WDR44: variants seen among roughly 807,000 people sequenced by gnomAD.
WDR44 encodes the protein WD repeat domain 44.
WDR44 carries 9 observed loss-of-function variants against 65.7 expected under a neutral mutation model. The ratio of observed to expected loss-of-function variants is 0.14; its 90% CI spans 0.08 to 0.24. The LOEUF is 0.24. Ranked by LOEUF, WDR44 falls within the 10% of genes least tolerant of loss-of-function variation. The pLI, the probability that WDR44 is intolerant of heterozygous loss-of-function variation, is 1.00. For synonymous variants in WDR44, 220 were observed against 235.2 expected (o/e 0.94, Z 0.59); for missense variants, 425 against 670.9 (o/e 0.63, Z 4.05).
At chrX:118,360,626 A>G (rs967583126) in intron 1 of WDR44, among the ~76,000 whole-genome samples, 3 of 112,049 alleles carry the variant, frequency 2.7e-5, no homozygotes, top group Non-Finnish European at 3.8e-5. Flanking sequence ...TGACTGGCTA[A>G]GTCCTTATCT....
At chrX:118,391,845 G>A (rs781252544) in intron 3 of WDR44, among the ~76,000 whole-genome samples, 4 of 111,163 alleles carry the variant, frequency 3.6e-5, no homozygotes, top group East Asian at 2.8e-4. Context: ...TTATCCCGGC[G>A]TGGAGCACCT....
Position 118,426,266 on chromosome X carries a change from TAAAC to T in WDR44, c.1738-6511_1738-6508del, listed in dbSNP as rs1024067262. ...CTTGCTTTCAATGCTGCAGCAAAAA[TAAAC>T]AAAAATGGGAAGACTGATAAAGTAG... On this transcript the variant is annotated intron_variant, in intron 12 of 19. Transcript: ENST00000254029. Among the ~76,000 whole-genome samples the T allele has an allele frequency of 1.5e-4, 17 of 111,360 alleles. No individual in the cohort carries two copies. In the East Asian group the frequency reaches 2.0e-3, roughly 13 times the overall value.
At chrX:118,447,759 G>A (rs2057357641) in intron 19 of WDR44, among the ~76,000 whole-genome samples, 2 of 106,994 alleles carry the variant, frequency 1.9e-5, no homozygotes, top group South Asian at 8.3e-4. Flanking sequence ...AGTGGCGCAT[G>A]CCTGTAGGGA....
At chrX:118,424,323 G>GTGTGTATATATATATATATATACA (rs1289349202) in intron 12 of WDR44, among the ~76,000 whole-genome samples, 4 of 65,566 alleles carry the variant, frequency 6.1e-5, no homozygotes, top group Admixed American at 5.4e-4. Context: ...GTGTGTGTGT[G>GTGTGTATATATATATATATATACA]TATATATATA....
At chrX:118,408,495 T>C (rs1262788796) in intron 10 of WDR44, among the ~76,000 whole-genome samples, 1 of 110,052 alleles carries the variant, frequency 9.1e-6, no homozygotes, top group Non-Finnish European at 1.9e-5. Context: ...CCTCCTGGGC[T>C]CAAGCAGTCC....
chrX:118,427,596 C>T (rs2057168836), intron 12 of WDR44, among the ~76,000 whole-genome samples: 1 of 108,021 alleles, frequency 9.3e-6, no homozygotes, highest in African/African-American at 3.4e-5. Flanking sequence ...GTAACTAACT[C>T]ATTAGTTCAT....
intron 14 of WDR44, among the ~76,000 whole-genome samples, chrX:118,440,624 A>C (rs1003167892): frequency 1.2e-4 from 13 of 111,025 alleles, no homozygotes; most frequent in Non-Finnish European, 2.3e-4. Flanking sequence ...ACGCCCCCCC[A>C]AAAAAAGTCT....
chrX:118,369,784 A>G, intron 1 of WDR44, among the ~76,000 whole-genome samples: 1 of 112,220 alleles, frequency 8.9e-6, no homozygotes, highest in Non-Finnish European at 1.9e-5. Context: ...ACTTTCTAAT[A>G]GAAAACAGGA....
chrX:118,391,209 G>T (rs111244429), intron 3 of WDR44, among the ~76,000 whole-genome samples: 1 of 111,632 alleles, frequency 9.0e-6, no homozygotes, highest in Admixed American at 9.6e-5. Flanking sequence ...AACTCAGACC[G>T]TGCTAATGTC....
Position 118,432,819 on chromosome X carries a change from C to T in WDR44, c.1776C>T (p.Asn592=), listed in dbSNP as rs10521584. ...CTGATGAAGACCCTGATGATAAAAA[C>T]GCACCCTTTCGGCAACGGCCATTTT... ...SGTDEDPDDK[N]APFRQRPFCK... Residue 592 remains asparagine, a synonymous_variant, in exon 13 of 20, where the codon AAC becomes AAT. Coordinates refer to ENST00000254029, the MANE Select transcript of WDR44 (RefSeq NM_019045.5). 0.13 allele frequency: 158,270 copies of T among 1,208,610 alleles called. 8,178 individuals carry two copies. Among genetic ancestry groups the T allele is most frequent in the Admixed American group, 0.35 (15,820 of 45,682 alleles).
rs1362477570 is a variant in WDR44, at chrX:118,378,708, A to ATGTGTGTGTG, written c.111+256_111+257insTGTGTGTGTG. 1.1e-4 allele frequency among the ~76,000 whole-genome samples: 7 copies of ATGTGTGTGTG among 61,266 alleles called. No individual in the cohort carries two copies. In the African/African-American group the frequency reaches 1.5e-3, roughly 13 times the overall value. 53.2% of individuals were successfully genotyped at this position (61,266 alleles called of 115,157 possible). On this transcript the variant is annotated intron_variant, in intron 2 of 19. Transcript: ENST00000254029. ...TGTTTATAATATCTAGAATAAAAGAACGTGTGTGTGTGTGTGTGTGTGTGT... is the reference window on the plus strand; with the variant it reads ...TGTTTATAATATCTAGAATAAAAGAATGTGTGTGTGCGTGTGTGTGTGTGTGTGTGTGTGT...
chrX:118,402,534 G>A, intron 8 of WDR44, among the ~76,000 whole-genome samples: 1 of 108,069 alleles, frequency 9.3e-6, no homozygotes, highest in Non-Finnish European at 1.9e-5. Flanking sequence ...GATCACTTGA[G>A]TCCAGGAGTT....
chrX:118,379,714 A>G (rs1569363230), intron 2 of WDR44, among the ~76,000 whole-genome samples: 1 of 111,836 alleles, frequency 8.9e-6, no homozygotes, highest in Non-Finnish European at 1.9e-5. Context: ...AAAACTGATA[A>G]TAATGTTCTT....
chrX:118,347,210 C>T lies in WDR44; in HGVS notation c.77+630C>T, dbSNP rs1016507003. ...GGTAAAGGAAATCGAATACACGGTC[C>T]CTATTAGGCAGAATGCGGTCTAAAA... On this transcript the variant is annotated intron_variant, in intron 1 of 19. Coordinates refer to ENST00000254029, the MANE Select transcript of WDR44 (RefSeq NM_019045.5). Among the ~76,000 whole-genome samples, 5 of 111,696 alleles carry T rather than the reference C, an allele frequency of 4.5e-5. No individual in the cohort carries two copies. The Admixed American group carries it at 4.8e-4, about 11-fold the overall frequency.
In WDR44 at chrX:118,346,438, G is replaced by C; in HGVS notation, c.-66G>C. 9.9e-7 allele frequency: 1 copy of C among 1,011,275 alleles called. No individual in the cohort carries two copies. The highest frequency in any genetic ancestry group is 1.4e-6 in the Non-Finnish European group (1 of 716,252). 83.3% of individuals were successfully genotyped at this position (1,011,275 alleles called of 1,213,427 possible). A position where few individuals can be genotyped will look rare whatever the true frequency, so the allele number is the denominator to read the frequency against. ...TCTCGCCCGGGTGGAGGTCGACGAG[G>C]AGGAGACAAGAGTCACCCTTCCTCC... On this transcript the variant is annotated 5_prime_UTR_variant, in exon 1 of 20. Transcript: ENST00000254029.
At chrX:118,358,925 T>G (rs2056487448) in intron 1 of WDR44, among the ~76,000 whole-genome samples, 1 of 110,285 alleles carries the variant, frequency 9.1e-6, no homozygotes, top group Admixed American at 9.7e-5. Flanking sequence ...ATACAGAAAG[T>G]TAGCCGGGCA....
At chrX:118,407,299 G>A (rs1219932725) in intron 10 of WDR44, among the ~76,000 whole-genome samples, 2 of 111,191 alleles carry the variant, frequency 1.8e-5, no homozygotes, top group African/African-American at 6.5e-5. Flanking sequence ...TCAGGAGTTC[G>A]AGACCAGCCT....
intron 2 of WDR44, among the ~76,000 whole-genome samples, chrX:118,387,074 C>T (rs2147696787): frequency 9.5e-6 from 1 of 105,728 alleles, no homozygotes; most frequent in South Asian, 4.3e-4. Context: ...CCCAGCTACT[C>T]GGGAGGCTGA....
chrX:118,353,451 G>A lies in WDR44; in HGVS notation c.77+6871G>A, dbSNP rs754459161. On this transcript the variant is annotated intron_variant, in intron 1 of 19. Coordinates refer to ENST00000254029, the MANE Select transcript of WDR44 (RefSeq NM_019045.5). Reference sequence around the variant, plus strand: ...CCATATAATCAGGTTCTGCCAGAGCGCTTCAGGTCTTAGAGTTCTATTACC... The same window carrying A: ...CCATATAATCAGGTTCTGCCAGAGCACTTCAGGTCTTAGAGTTCTATTACC... Among the ~76,000 whole-genome samples, 7 of 112,069 alleles carry A rather than the reference G, an allele frequency of 6.2e-5. No individual in the cohort carries two copies. The East Asian group carries it at 1.7e-3, about 27-fold the overall frequency.
Sources: gnomAD v4.1 joint callset for allele counts (sites outside exome capture counted in the v4.1 genomes callset) on GRCh38, gnomAD v4.1.1 for gene constraint, MANE v1.5 for transcripts, NCBI Gene and HGNC (gene_info 2026-07-23, HGNC 2026-07-21) for gene names.